RPS3A: variants seen among roughly 807,000 people sequenced by gnomAD.
RPS3A encodes the protein ribosomal protein S3A.
A neutral mutation model predicts 26.4 loss-of-function variants in RPS3A; 1 was observed. That is an observed-to-expected ratio of 0.04 (90% confidence interval 0.01 to 0.18). The LOEUF is 0.18. Among genes scored for constraint, RPS3A ranks in the 10% least tolerant of loss-of-function variants. RPS3A has a pLI of 1.00. For missense variants in RPS3A, 139 were observed against 326.8 expected, an observed-to-expected ratio of 0.43 and a Z score of 4.43; for synonymous variants, 97 against 106.1, an observed-to-expected ratio of 0.91 and a Z score of 0.53.
chr4:151,102,152 T>G (rs759424063), intron 3 of RPS3A: 1 of 481,148 alleles, frequency 2.1e-6, no homozygotes, highest in Non-Finnish European at 4.2e-6. Flanking sequence ...ATGGTTTACA[T>G]TTCTAGAAAT....
chr4:151,102,733 T>C, intron 3 of RPS3A, 138 bp from the exon 4 acceptor site: 1 of 1,040,502 alleles, frequency 9.6e-7, no homozygotes, highest in Non-Finnish European at 1.4e-6. Flanking sequence ...TTCTGTAAAC[T>C]TAAAGAGATG....
rs183290897 is a variant in RPS3A at position 151,103,727 on chromosome 4, C to A, written c.564-450C>A. 3,696 of 1,121,872 alleles carry A rather than the reference C, an allele frequency of 3.3e-3. 4 individuals are homozygous for A. The highest frequency in any genetic ancestry group is 3.9e-3 in the Non-Finnish European group (3,478 of 886,954). The allele number at this position is 1,121,872 out of a possible 1,614,324, so 69.5% of individuals were successfully genotyped here. A position where few individuals can be genotyped will look rare whatever the true frequency, so the allele number is the denominator to read the frequency against. On this transcript the variant is annotated intron_variant, in intron 4 of 5. Transcript: ENST00000274065. ...GGCCAGCCTGGGCAATATAGGGAGA[C>A]CCTGTCCCAAAAAATAAAAAATATA... is the stretch of plus-strand genomic sequence containing the variant.
At chr4:151,103,270 G>A (rs1221763160) in intron 4 of RPS3A, 191 bp downstream of exon 4, 108 of 1,152,040 alleles carry the variant, frequency 9.4e-5, no homozygotes, top group Non-Finnish European at 1.2e-4. Flanking sequence ...TATTATTTGA[G>A]TCAGAGTCTT....
intron 4 of RPS3A, 177 bp from the exon 5 acceptor site, chr4:151,104,000 C>T: frequency 6.7e-7 from 1 of 1,503,370 alleles, no homozygotes; most frequent in Non-Finnish European, 8.9e-7. Context: ...TTCAGATCAT[C>T]TATCCTTTAC....
At chr4:151,100,681 G>T (rs1365756081) in intron 2 of RPS3A, 93 bp downstream of exon 2, 1 of 775,790 alleles carries the variant, frequency 1.3e-6, no homozygotes, top group Non-Finnish European at 2.2e-6. Flanking sequence ...TGTGGTGGGA[G>T]ACTTTAAGGA....
chr4:151,104,385 C>G, intron 5 of RPS3A, 87 bp from the exon 6 acceptor site: 1 of 1,473,776 alleles, frequency 6.8e-7, no homozygotes, highest in Non-Finnish European at 9.0e-7. Flanking sequence ...TTCTTCCTGT[C>G]ATGCTTGCAT....
chr4:151,100,363 A>G lies in RPS3A; in HGVS notation c.63-122A>G, dbSNP rs1022669290. The G allele has an allele frequency of 9.6e-6, 6 of 626,830 alleles. No individual in the cohort carries two copies. In the African/African-American group the frequency reaches 1.1e-4, roughly 12 times the overall value. The allele number at this position is 626,830 out of a possible 1,614,324, so 38.8% of individuals were successfully genotyped here. On this transcript the variant is annotated intron_variant, in intron 1 of 5. Transcript: ENST00000274065. ...TTTGTTCCCCTCACCTCACTGTGAG[A>G]TATACTTTGGTATCAAATTGCCGGT...
In RPS3A at chr4:151,099,752, G is replaced by T. The variant is rs760571849; in HGVS notation, c.62+38G>T. On this transcript the variant is annotated intron_variant, in intron 1 of 5. Coordinates refer to ENST00000274065, the MANE Select transcript of RPS3A (RefSeq NM_001006.5). ...TGTCGTGGCGTCTTGCTTTTTGGGG[G>T]TCTGCTGGAATCGGCGGGCTGGTCC... 26 of 1,591,492 alleles carry T rather than the reference G, an allele frequency of 1.6e-5. No homozygotes were observed. In the African/African-American group the frequency reaches 2.6e-4, roughly 16 times the overall value.
At chr4:151,100,902 A>C (rs1747088851) in intron 2 of RPS3A, 73 bp from the exon 3 acceptor site, 4 of 1,018,762 alleles carry the variant, frequency 3.9e-6, no homozygotes, top group Non-Finnish European at 5.7e-6. Flanking sequence ...CTTAATTTCT[A>C]CCCTCAGTTT....
At chr4:151,103,956 A>T (rs1747249834) in intron 4 of RPS3A, 2 of 1,517,864 alleles carry the variant, frequency 1.3e-6, no homozygotes, top group Non-Finnish European at 1.8e-6. Flanking sequence ...GACTCAGAAG[A>T]CTCTACTAAC....
chr4:151,099,936 AGCCGGCTT>A, intron 1 of RPS3A: 1 of 593,060 alleles, frequency 1.7e-6, no homozygotes, highest in Non-Finnish European at 3.1e-6. Flanking sequence ...GTCGCGTTTG[AGCCGGCTT>A]GCCGGCGCGA....
In RPS3A at chr4:151,102,899, A is replaced by G. The variant is rs758026158; in HGVS notation, c.383A>G (p.Lys128Arg). The change falls in exon 4 of 6, where the codon AAG (lysine) becomes AGG (arginine). Residue 128 changes from lysine (K) to arginine (R), a missense_variant. Physicochemically the swap from Lys to Arg is conservative, Grantham distance 26. Coordinates refer to ENST00000274065, the MANE Select transcript of RPS3A (RefSeq NM_001006.5). ...QTMIEAHVDV[K>R]TTDGYLLRLF... ...ATGATTGAAGCTCACGTTGATGTCAAGACTACCGATGGTTACTTGCTTCGT... is the reference window on the plus strand; with the variant it reads ...ATGATTGAAGCTCACGTTGATGTCAGGACTACCGATGGTTACTTGCTTCGT... 5.0e-6 allele frequency: 8 copies of G among 1,611,986 alleles called. No individual in the cohort carries two copies. The highest frequency in any genetic ancestry group is 1.3e-5 in the African/African-American group (1 of 75,026).
intron 1 of RPS3A, 148 bp downstream of exon 1, chr4:151,099,862 G>A (rs923898036): frequency 7.0e-6 from 6 of 857,676 alleles, no homozygotes; most frequent in Admixed American, 4.0e-5. Flanking sequence ...AACGCGGCCT[G>A]GAGGGTCGGT....
At chr4:151,104,099 T>G in intron 4 of RPS3A, 78 bp from the exon 5 acceptor site, 2 of 1,497,432 alleles carry the variant, frequency 1.3e-6, no homozygotes, top group Admixed American at 2.5e-5. Flanking sequence ...ATTCCAAGGC[T>G]TCTCTACTTT....
intron 2 of RPS3A, 139 bp downstream of exon 2, chr4:151,100,727 G>T: frequency 1.5e-6 from 1 of 652,592 alleles, no homozygotes. Flanking sequence ...GGCACCTGTG[G>T]TGATCATTTT....
chr4:151,104,439 G>GTTTTTTTTTTTTTTTTGT, intron 5 of RPS3A, 33 bp from the exon 6 acceptor site: 1 of 710,330 alleles, frequency 1.4e-6, no homozygotes, highest in Non-Finnish European at 1.8e-6. Context: ...CAGTTTTTTG[G>GTTTTTTTTTTTTTTTTGT]TTTTTTTTTT....
chr4:151,103,193 CCTT>C, intron 4 of RPS3A, 114 bp downstream of exon 4: 1 of 1,443,632 alleles, frequency 6.9e-7, no homozygotes, highest in South Asian at 1.4e-5. Context: ...GTCTGTGAAT[CCTT>C]CTAGCTATAT....
At chr4:151,102,761 C>G in intron 3 of RPS3A, 110 bp from the exon 4 acceptor site, 1 of 1,215,176 alleles carries the variant, frequency 8.2e-7, no homozygotes. Flanking sequence ...TGTTAGGATA[C>G]TTTATATTTA....
At chr4:151,104,099 T>A (rs1287562578) in intron 4 of RPS3A, 78 bp from the exon 5 acceptor site, 25 of 1,497,432 alleles carry the variant, frequency 1.7e-5, no homozygotes, top group Middle Eastern at 1.9e-4. Flanking sequence ...ATTCCAAGGC[T>A]TCTCTACTTT....
Sources: allele counts gnomAD v4.1 joint callset, GRCh38; gene constraint gnomAD v4.1.1; transcripts MANE v1.5; gene names NCBI Gene and HGNC (gene_info 2026-07-23, HGNC 2026-07-21).